ZNF416: variants seen among roughly 807,000 people sequenced by gnomAD.
ZNF416 encodes zinc finger protein 416.
In ZNF416, 5 loss-of-function variants were observed where a neutral mutation model predicts 10.9. That is an observed-to-expected ratio of 0.46 (90% CI 0.24 to 0.97). ZNF416 has a LOEUF of 0.97. ZNF416 is among the 50% of genes least tolerant of loss of function. The pLI, the probability that ZNF416 is intolerant of heterozygous loss-of-function variation, is 0.19. For missense variants in ZNF416, 675 were observed against 715.0 expected (o/e 0.94, Z 0.64); for synonymous variants, 267 against 251.8 (o/e 1.06, Z -0.57).
rs1568606812 is a variant in ZNF416 at position 57,573,226 on chromosome 19, G to A, written c.678C>T (p.His226=). The A allele has an allele frequency of 6.2e-7, 1 of 1,614,264 alleles. No homozygotes were observed. The highest frequency in any genetic ancestry group is 8.5e-7 in the Non-Finnish European group (1 of 1,180,044). ...CTCTAGGGTGAAAAAAAGTGTGTTT[G>A]TGGCTGGACTCTCTCCTGCATTGAC... ...KWSQCRRESS[H]KHTFFHPRVC... is the part of the protein sequence containing the mutation. Residue 226 remains histidine (H), a synonymous_variant, in exon 4 of 4, where the codon CAC becomes CAT. Transcript: ENST00000196489.
intron 3 of ZNF416, among the ~76,000 whole-genome samples, chr19:57,574,509 A>G (rs1050269308): frequency 2.0e-5 from 3 of 152,206 alleles, no homozygotes; most frequent in African/African-American, 7.2e-5. Context: ...TTGGCACTCT[A>G]CTACCTCCAT....
rs1348936902 is a variant in ZNF416, at chr19:57,575,353, G to A, written c.202+451C>T. On this transcript the variant is annotated intron_variant, in intron 3 of 3. Transcript: ENST00000196489. This position sits in a 1 kb window ranked among gnomAD's most constrained non-coding sequence, Gnocchi z 4.4. Reference sequence around the variant, plus strand: ...TCCTGCAGTGGCCCAGAGCAAGTCAGCAGCCTTGAGAACACAAGAAAGAAA... The same window carrying A: ...TCCTGCAGTGGCCCAGAGCAAGTCAACAGCCTTGAGAACACAAGAAAGAAA... Among the ~76,000 whole-genome samples, 3 of 152,214 alleles carry A rather than the reference G, an allele frequency of 2.0e-5. No homozygotes were observed. Among genetic ancestry groups the A allele is most frequent in the Non-Finnish European group, 4.4e-5 (3 of 68,038 alleles).
At chr19:57,576,038 C>A (rs1344088609) in intron 2 of ZNF416, 108 bp from the exon 3 acceptor site, 4 of 1,415,382 alleles carry the variant, frequency 2.8e-6, no homozygotes, top group African/African-American at 2.9e-5. Flanking sequence ...TAAGCCCCAC[C>A]TCAGAGGAGA....
At chr19:57,576,940 C>T (rs1448034533) in intron 2 of ZNF416, among the ~76,000 whole-genome samples, 1 of 152,094 alleles carries the variant, frequency 6.6e-6, no homozygotes, top group Non-Finnish European at 1.5e-5. Context: ...CTTGCTCTCA[C>T]ACCCTACCAT....
In ZNF416 at chr19:57,572,741, C is replaced by T. The variant is rs1978345100; in HGVS notation, c.1163G>A (p.Gly388Glu). 1 of 1,613,990 alleles carries T rather than the reference C, an allele frequency of 6.2e-7. No homozygotes were observed. Among genetic ancestry groups the T allele is most frequent in the Non-Finnish European group, 8.5e-7 (1 of 1,180,034 alleles). ...GCTGAAGCTTTGTCTGAATAATTTC[C>T]CACATTCACCACACTCATATGGCTT... ...GEKPYECGEC[G>E]KLFRQSFSLV... The change falls in exon 4 of 4, where the codon GGG (glycine) becomes GAG (glutamate). Residue 388 changes from glycine (G) to glutamate (E), a missense_variant. Transcript: ENST00000196489. This position sits in a 1 kb window ranked among gnomAD's most constrained non-coding sequence, Gnocchi z 4.5.
At chr19:57,577,720 A>T (rs1568608402) in intron 2 of ZNF416, among the ~76,000 whole-genome samples, 1 of 152,222 alleles carries the variant, frequency 6.6e-6, no homozygotes, top group African/African-American at 2.4e-5. Flanking sequence ...GACAACTGAC[A>T]GCCATTTTTT....
rs201978594 is a variant in ZNF416 at position 57,572,092 on chromosome 19, C to T, written c.*27G>A. 1.6e-4 allele frequency: 258 copies of T among 1,595,278 alleles called. No homozygotes were observed. The highest frequency in any genetic ancestry group is 2.1e-4 in the Non-Finnish European group (245 of 1,167,778). ...TGGCACATTCCCTGCAGGTCTAAGG[C>T]TTTTCTCAGGTTTGGAGTTTCAAGA... On this transcript the variant is annotated 3_prime_UTR_variant, in exon 4 of 4. Transcript: ENST00000196489. The surrounding 1 kb of genome is among the most constrained non-coding windows in gnomAD (Gnocchi z 4.5).
Position 57,571,841 on chromosome 19 carries a change from G to A in ZNF416, c.*278C>T, listed in dbSNP as rs2090194570. ...AAGGAATTTCCTCCAAGGGTTGGGA[G>A]AACACAGGTGTATCTGCCTCGCCTT... On this transcript the variant is annotated 3_prime_UTR_variant, in exon 4 of 4. Transcript: ENST00000196489. The A allele has an allele frequency of 5.3e-6, 2 of 379,328 alleles. No individual in the cohort carries two copies. The highest frequency in any genetic ancestry group is 4.0e-5 in the African/African-American group (2 of 50,162). 23.5% of individuals were successfully genotyped at this position (379,328 alleles called of 1,614,324 possible).
At chr19:57,578,520 C>T (rs1163197813) in intron 1 of ZNF416, 152 bp downstream of exon 1, 3 of 847,968 alleles carry the variant, frequency 3.5e-6, no homozygotes, top group African/African-American at 3.5e-5. Context: ...CAGCCCACGA[C>T]ACCAGGCTTG....
chr19:57,576,090 G>A (rs370416090), intron 2 of ZNF416, among the ~76,000 whole-genome samples, 160 bp from the exon 3 acceptor site: 1 of 151,998 alleles, frequency 6.6e-6, no homozygotes, highest in Middle Eastern at 3.2e-3. Context: ...TCTCCTCATG[G>A]TCCCATCATC....
intron 1 of ZNF416, 37 bp downstream of exon 1, chr19:57,578,635 G>A: frequency 6.6e-7 from 1 of 1,522,354 alleles, no homozygotes; most frequent in Non-Finnish European, 8.8e-7. Flanking sequence ...ATTTCCGGCG[G>A]AGAGGGCAGG....
At chr19:57,574,608 A>C (rs1978460436) in intron 3 of ZNF416, among the ~76,000 whole-genome samples, 1 of 152,188 alleles carries the variant, frequency 6.6e-6, no homozygotes, top group Admixed American at 6.5e-5. Context: ...GCTTTGAAGC[A>C]ATATTGAGGA....
At position 57,573,169 on chromosome 19, in the gene ZNF416, G is replaced by A. The variant is rs1978377390; in HGVS notation, c.735C>T (p.Ser245=). ...CACAGCAGCAGGCTTTCCCACATTT[G>A]CTAGATTCATAAAGCCTTTTTCCAG... is the stretch of plus-strand genomic sequence containing the variant. The part of the protein sequence containing the change: ...VCTGKRLYES[S]KCGKACCCEC... Residue 245 remains serine (S), a synonymous_variant, in exon 4 of 4, where the codon AGC becomes AGT. Transcript: ENST00000196489. 6.2e-7 allele frequency: 1 copy of A among 1,614,166 alleles called. No homozygotes were observed. Among genetic ancestry groups the A allele is most frequent in the Middle Eastern group, 1.6e-4 (1 of 6,062 alleles).
Position 57,575,661 on chromosome 19 carries a change from T to C in ZNF416, c.202+143A>G, listed in dbSNP as rs973988520. On this transcript the variant is annotated intron_variant, in intron 3 of 3. Transcript: ENST00000196489. This position sits in a 1 kb window ranked among gnomAD's most constrained non-coding sequence, Gnocchi z 4.4. ...GCAAATGTCAGGGCTGATTAAGGAG[T>C]GCAATGATTTCATTCCTTACACCAC... 6.2e-6 allele frequency: 7 copies of C among 1,126,786 alleles called. No individual in the cohort carries two copies. Among genetic ancestry groups the C allele is most frequent in the African/African-American group, 3.1e-5 (2 of 64,748 alleles). The allele number at this position is 1,126,786 out of a possible 1,614,324, so 69.8% of individuals were successfully genotyped here.
intron 3 of ZNF416, among the ~76,000 whole-genome samples, chr19:57,574,254 C>T (rs994673569): frequency 1.2e-4 from 18 of 152,208 alleles, no homozygotes; most frequent in African/African-American, 3.9e-4. Flanking sequence ...GAGACAACTA[C>T]GCCTAGTGAG....
rs1334740929 is a variant in ZNF416, at chr19:57,575,687, A to G, written c.202+117T>C. On this transcript the variant is annotated intron_variant, in intron 3 of 3. Coordinates refer to ENST00000196489, the MANE Select transcript of ZNF416 (RefSeq NM_017879.3). This position sits in a 1 kb window ranked among gnomAD's most constrained non-coding sequence, Gnocchi z 4.4. ...GCAATGATTTCATTCCTTACACCAC[A>G]GCACATACGCCAAGACAGTGGGGAA... 1.8e-5 allele frequency: 25 copies of G among 1,378,522 alleles called. No individual in the cohort carries two copies. Among genetic ancestry groups the G allele is most frequent in the Non-Finnish European group, 2.2e-5 (21 of 970,060 alleles). 85.4% of individuals were successfully genotyped at this position (1,378,522 alleles called of 1,614,324 possible). A position where few individuals can be genotyped will look rare whatever the true frequency, so the allele number is the denominator to read the frequency against.
chr19:57,578,672 C>T lies in ZNF416; in HGVS notation c.33G>A (p.Ser11=), dbSNP rs147501518. Residue 11 remains serine, a splice_region_variant and synonymous_variant, in exon 1 of 4, where the codon TCG becomes TCA. Coordinates refer to ENST00000196489, the MANE Select transcript of ZNF416 (RefSeq NM_017879.3). Reference sequence around the variant, plus strand: ...GAGGCCCGGGAGACGCAGCACTCACCGAAGTCGAATCCCTAAGCACGGCCG... The same window carrying T: ...GAGGCCCGGGAGACGCAGCACTCACTGAAGTCGAATCCCTAAGCACGGCCG... The part of the protein sequence containing the change: MAAAVLRDST[S]VPVTAEAKLM... 4.0e-4 allele frequency: 615 copies of T among 1,555,786 alleles called. 2 individuals are homozygous for T. Among genetic ancestry groups the T allele is most frequent in the African/African-American group, 3.9e-3 (278 of 71,236 alleles).
At chr19:57,577,299 A>C (rs1451259538) in intron 2 of ZNF416, among the ~76,000 whole-genome samples, 1 of 152,228 alleles carries the variant, frequency 6.6e-6, no homozygotes, top group African/African-American at 2.4e-5. Flanking sequence ...TTTAAAAATA[A>C]AGATGGTCCA....
Position 57,572,306 on chromosome 19 carries a change from T to C in ZNF416, c.1598A>G (p.Gln533Arg). ...DCGQCGKSFI[Q>R]KSSLIQHQVV... ...TTGGTGTTGAATGAGGCTAGACTTTTGGATAAAGGATTTCCCGCACTGTCC... is the reference window on the plus strand; with the variant it reads ...TTGGTGTTGAATGAGGCTAGACTTTCGGATAAAGGATTTCCCGCACTGTCC... The change falls in exon 4 of 4, where the codon CAA becomes CGA. Residue 533 changes from glutamine (Q) to arginine (R), a missense_variant. Coordinates refer to ENST00000196489, the MANE Select transcript of ZNF416 (RefSeq NM_017879.3). The surrounding 1 kb of genome is among the most constrained non-coding windows in gnomAD (Gnocchi z 4.5). 1 of 1,614,136 alleles carries C rather than the reference T, an allele frequency of 6.2e-7. No individual in the cohort carries two copies. Among genetic ancestry groups the C allele is most frequent in the Non-Finnish European group, 8.5e-7 (1 of 1,180,018 alleles).
Sources: allele counts gnomAD v4.1 joint callset (sites outside exome capture counted in the v4.1 genomes callset), GRCh38; gene constraint gnomAD v4.1.1; non-coding constraint Gnocchi (gnomAD v3.1); transcripts MANE v1.5; gene names NCBI Gene and HGNC (gene_info 2026-07-23, HGNC 2026-07-21).